The following PSTPIP1 variants were observed in gnomAD, a reference collection of about 807,000 sequenced individuals.
The protein encoded by PSTPIP1 is proline-serine-threonine phosphatase-interacting protein 1.
In PSTPIP1, 66 loss-of-function variants were observed where a neutral mutation model predicts 69.6. The ratio of observed to expected loss-of-function variants is 0.95; its 90% confidence interval spans 0.78 to 1.16. PSTPIP1 has a LOEUF of 1.16. Ranked by LOEUF, PSTPIP1 falls within the 50% of genes most tolerant of loss-of-function variation. The pLI, the probability that PSTPIP1 is intolerant of heterozygous loss-of-function variation, is 0.00. For synonymous variants in PSTPIP1, 266 were observed against 222.7 expected, an observed-to-expected ratio of 1.19 and a Z score of -1.73; for missense variants, 603 against 557.4, an observed-to-expected ratio of 1.08 and a Z score of -0.82.
At position 77,018,443 on chromosome 15, in the gene PSTPIP1, C is replaced by G; in HGVS notation, c.138-14C>G. 1.9e-6 allele frequency: 3 copies of G among 1,568,418 alleles called. No homozygotes were observed. The highest frequency in any genetic ancestry group is 2.6e-6 in the Non-Finnish European group (3 of 1,156,320). On this transcript the variant is annotated splice_polypyrimidine_tract_variant and intron_variant, in intron 2 of 14. Coordinates refer to ENST00000558012, the MANE Select transcript of PSTPIP1 (RefSeq NM_003978.5). ...AAGTCACTGATGATCTTTCAAATGC[C>G]CTTTTTTTTGCAGGGCCCAGGCGGA...
In PSTPIP1 at chr15:77,000,476, T is replaced by TATAC. The variant is rs1033258180; in HGVS notation, c.36+4868_36+4869insTACA. Among the ~76,000 whole-genome samples the TATAC allele has an allele frequency of 4.3e-3, 626 of 146,860 alleles. 6 individuals carry two copies. Among genetic ancestry groups the TATAC allele is most frequent in the East Asian group, 0.016 (82 of 5,022 alleles). On this transcript the variant is annotated intron_variant, in intron 1 of 14. Coordinates refer to ENST00000558012, the MANE Select transcript of PSTPIP1 (RefSeq NM_003978.5). ...TTAAAGAGAGATATATATATATATA[T>TATAC]ACACACACACACACACACACACACA...
chr15:77,000,596 C>A (rs1480480922), intron 1 of PSTPIP1, among the ~76,000 whole-genome samples: 2 of 151,990 alleles, frequency 1.3e-5, no homozygotes, highest in African/African-American at 2.4e-5. Context: ...AAAGAAGAAG[C>A]ACCTTTAGTC....
At chr15:77,011,272 G>GTGCC (rs2075929243) in intron 1 of PSTPIP1, among the ~76,000 whole-genome samples, 1 of 152,232 alleles carries the variant, frequency 6.6e-6, no homozygotes, top group Non-Finnish European at 1.5e-5. Flanking sequence ...TCCTTGTCCA[G>GTGCC]TGCCTGTGTT....
At chr15:77,025,384 G>T in intron 4 of PSTPIP1, 66 bp downstream of exon 4, 2 of 1,579,948 alleles carry the variant, frequency 1.3e-6, no homozygotes, top group Non-Finnish European at 1.7e-6. Flanking sequence ...GGTTTGGGGG[G>T]ACAGAAGATG....
chr15:77,029,457 C>T (rs1013138578), intron 7 of PSTPIP1, 72 bp from the exon 8 acceptor site: 16 of 1,529,214 alleles, frequency 1.0e-5, no homozygotes, highest in African/African-American at 2.8e-5. Flanking sequence ...TTGACAGTCA[C>T]TTCAGGTCTG....
At chr15:77,015,804 G>C in intron 1 of PSTPIP1, 2 of 406,344 alleles carry the variant, frequency 4.9e-6, no homozygotes, top group Non-Finnish European at 1.0e-5. Context: ...CCCCTGGAGA[G>C]TCAGGCACTT....
intron 1 of PSTPIP1, among the ~76,000 whole-genome samples, chr15:77,002,653 T>C (rs2075735014): frequency 6.6e-6 from 1 of 152,104 alleles, no homozygotes; most frequent in Non-Finnish European, 1.5e-5. Context: ...ATTGCAGAGG[T>C]TTGTGGTCAT....
rs1335112682 is a variant in PSTPIP1 at position 77,018,460 on chromosome 15, C to G, written c.141C>G (p.Ala47=). The change falls in exon 3 of 15, where the codon GCC becomes GCG. Residue 47 remains alanine (A), a synonymous_variant. Coordinates refer to ENST00000558012, the MANE Select transcript of PSTPIP1 (RefSeq NM_003978.5). ...TCAAATGCCCTTTTTTTTGCAGGGCCCAGGCGGAGGAGCGGTACGGGAAGG... is the reference window on the plus strand; with the variant it reads ...TCAAATGCCCTTTTTTTTGCAGGGCGCAGGCGGAGGAGCGGTACGGGAAGG... ...KDMEELLRQR[A]QAEERYGKEL... is the part of the protein sequence containing the mutation. 1.9e-6 allele frequency: 3 copies of G among 1,578,446 alleles called. No individual in the cohort carries two copies. In the African/African-American group the frequency reaches 4.0e-5, roughly 21 times the overall value.
Position 77,027,947 on chromosome 15 carries a change from C to G in PSTPIP1, c.417+33C>G, listed in dbSNP as rs551234855. On this transcript the variant is annotated intron_variant, in intron 6 of 14. Coordinates refer to ENST00000558012, the MANE Select transcript of PSTPIP1 (RefSeq NM_003978.5). This position sits in a 1 kb window ranked among gnomAD's most constrained non-coding sequence, Gnocchi z 4.3. ...CCAGGGCCTGGGGCCGCGGCCTTCC[C>G]TCGAGGAGCAGCGCAGGTCTCAGGG... 1.3e-6 allele frequency: 2 copies of G among 1,522,198 alleles called. No homozygotes were observed. The highest frequency in any genetic ancestry group is 3.9e-5 in the Admixed American group (2 of 51,092). The allele number at this position is 1,522,198 out of a possible 1,614,324, so 94.3% of individuals were successfully genotyped here. A position where few individuals can be genotyped will look rare whatever the true frequency, so the allele number is the denominator to read the frequency against.
At position 77,028,643 on chromosome 15, in the gene PSTPIP1, G is replaced by A. The variant is rs542724680; in HGVS notation, c.507G>A (p.Gln169=). ...ERISANGHQK[Q]VEKSQNKARQ... is the part of the protein sequence containing the mutation. ...TTAGCGCCAACGGCCACCAGAAGCA[G>A]GTGGAGAAGGTGCGCTGGGCTGCTG... Residue 169 remains glutamine (Q), a synonymous_variant, in exon 7 of 15, where the codon CAG becomes CAA. Transcript: ENST00000558012. 1 of 1,569,072 alleles carries A rather than the reference G, an allele frequency of 6.4e-7. No homozygotes were observed. Among genetic ancestry groups the A allele is most frequent in the African/African-American group, 1.4e-5 (1 of 73,806 alleles).
In PSTPIP1 at chr15:77,020,405, T is replaced by C. The variant is rs529061462; in HGVS notation, c.212+1874T>C. Among the ~76,000 whole-genome samples the C allele has an allele frequency of 3.3e-4, 50 of 151,808 alleles. 1 individual carries two copies. Among genetic ancestry groups the C allele is most frequent in the African/African-American group, 1.2e-3 (49 of 41,382 alleles). On this transcript the variant is annotated intron_variant, in intron 3 of 14. Transcript: ENST00000558012. ...GGCAGTCACAAGGACAAGCAGAGAGTGCCAAGCCACAGGGGTTCACTGCAC... is the reference window on the plus strand; with the variant it reads ...GGCAGTCACAAGGACAAGCAGAGAGCGCCAAGCCACAGGGGTTCACTGCAC...
intron 1 of PSTPIP1, among the ~76,000 whole-genome samples, chr15:77,016,788 C>T (rs144959782): frequency 5.5e-4 from 83 of 152,250 alleles, no homozygotes; most frequent in African/African-American, 1.9e-3. Context: ...CCTTCCAGCA[C>T]CTGACTCAAA....
chr15:76,997,524 C>A (rs2075607612), intron 1 of PSTPIP1, among the ~76,000 whole-genome samples: 1 of 152,242 alleles, frequency 6.6e-6, no homozygotes, highest in Admixed American at 6.5e-5. Flanking sequence ...ATCCTTCAAA[C>A]ACATGCTACT....
At chr15:77,017,068 G>C (rs2076065155) in intron 1 of PSTPIP1, among the ~76,000 whole-genome samples, 1 of 152,154 alleles carries the variant, frequency 6.6e-6, no homozygotes, top group East Asian at 1.9e-4. Flanking sequence ...TGTCAGGCCT[G>C]CCTTGGTGCA....
In PSTPIP1 at chr15:76,997,892, C is replaced by G. The variant is rs75895879; in HGVS notation, c.36+2283C>G. On this transcript the variant is annotated intron_variant, in intron 1 of 14. Transcript: ENST00000558012. ...ATGTCTGGGCCTTCCCCCACCCCAG[C>G]CCAAGGCACTGTCATTAAACCCTTC... Among the ~76,000 whole-genome samples the G allele has an allele frequency of 5.9e-3, 894 of 150,488 alleles. 10 individuals are homozygous for G. Among genetic ancestry groups the G allele is most frequent in the African/African-American group, 0.022 (860 of 39,826 alleles).
chr15:77,035,442 C>T lies in PSTPIP1; in HGVS notation c.930-66C>T, dbSNP rs1260744764. On this transcript the variant is annotated intron_variant, in intron 12 of 14. Coordinates refer to ENST00000558012, the MANE Select transcript of PSTPIP1 (RefSeq NM_003978.5). ...CTCTGAGACCTCTCCCTGTCTAAAC[C>T]CTCCCTCCTGGTGGGTCCCTGAGTG... The T allele has an allele frequency of 2.5e-5, 38 of 1,496,956 alleles. No homozygotes were observed. The South Asian group carries it at 3.7e-4, about 15-fold the overall frequency. 92.7% of individuals were successfully genotyped at this position (1,496,956 alleles called of 1,614,324 possible). A position where few individuals can be genotyped will look rare whatever the true frequency, so the allele number is the denominator to read the frequency against.
At chr15:77,028,115 G>A (rs1196623673) in intron 6 of PSTPIP1, among the ~76,000 whole-genome samples, 2 of 151,666 alleles carry the variant, frequency 1.3e-5, no homozygotes, top group East Asian at 1.9e-4. Context: ...GGATGGTCCC[G>A]GGCCCTTCCC....
intron 1 of PSTPIP1, among the ~76,000 whole-genome samples, chr15:77,009,622 A>G (rs1393328734): frequency 2.0e-5 from 3 of 152,134 alleles, no homozygotes; most frequent in Admixed American, 2.0e-4. Context: ...CTGCCCTTCC[A>G]GGAGCCCGGT....
chr15:77,004,461 C>T (rs76332753), intron 1 of PSTPIP1, among the ~76,000 whole-genome samples: 1 of 152,284 alleles, frequency 6.6e-6, no homozygotes, highest in African/African-American at 2.4e-5. Context: ...GAAACAGCCA[C>T]ACTGGGGAGG....
Sources: gnomAD v4.1 joint callset for allele counts (sites outside exome capture counted in the v4.1 genomes callset) on GRCh38, gnomAD v4.1.1 for gene constraint, Gnocchi (gnomAD v3.1) non-coding constraint, MANE v1.5 for transcripts, NCBI Gene and HGNC (gene_info 2026-07-23, HGNC 2026-07-21) for gene names.